The following DPYD variants were observed in gnomAD, a reference collection of about 807,000 sequenced individuals.
DPYD encodes dihydropyrimidine dehydrogenase.
In DPYD, 109 loss-of-function variants were observed where a neutral mutation model predicts 116.2. That is an observed-to-expected ratio of 0.94 (90% CI 0.80 to 1.10). The LOEUF (loss-of-function observed/expected upper bound fraction) is 1.10, where lower values mean the gene tolerates loss of function less well. Among genes scored for constraint, DPYD ranks in the 50% least tolerant of loss-of-function variants. The pLI, the probability that DPYD is intolerant of heterozygous loss-of-function variation, is 0.00. For synonymous variants in DPYD, 440 were observed against 432.0 expected (o/e 1.02, Z -0.23); for missense variants, 1,302 against 1,254.5 (o/e 1.04, Z -0.57).
chr1:97,514,874 G>A (rs1394769020), intron 13 of DPYD, among the ~76,000 whole-genome samples: 1 of 151,710 alleles, frequency 6.6e-6, no homozygotes. Context: ...GCTTAATGGG[G>A]CATGTTTGTT....
At chr1:97,135,028 T>G (rs983101) in intron 20 of DPYD, among the ~76,000 whole-genome samples, 1 of 152,086 alleles carries the variant, frequency 6.6e-6, no homozygotes, top group African/African-American at 2.4e-5. Flanking sequence ...ATAATTGATA[T>G]TTTAAAAAAT....
intron 13 of DPYD, among the ~76,000 whole-genome samples, chr1:97,508,877 C>T (rs550862255): frequency 2.6e-5 from 4 of 152,050 alleles, no homozygotes; most frequent in East Asian, 3.9e-4. Context: ...GTGCAACTTC[C>T]GAGCCTTGGC....
intron 7 of DPYD, chr1:97,691,281 GATT>G: frequency 6.4e-6 from 1 of 156,176 alleles, no homozygotes; most frequent in Non-Finnish European, 1.4e-5. Context: ...GTTGAGAAAG[GATT>G]ATCACATTCA....
intron 2 of DPYD, among the ~76,000 whole-genome samples, chr1:97,869,227 G>C (rs58638365): frequency 0.02 from 3,011 of 151,824 alleles, 93 homozygotes; most frequent in African/African-American, 0.065. Context: ...GCCAGAATGA[G>C]GGCCAGAGTT....
At chr1:97,384,570 T>C (rs569295586) in intron 14 of DPYD, among the ~76,000 whole-genome samples, 7 of 152,114 alleles carry the variant, frequency 4.6e-5, no homozygotes, top group African/African-American at 1.7e-4. Flanking sequence ...TAAGTAGAAA[T>C]GGATACCATA....
In DPYD at chr1:97,918,706, T is replaced by A. The variant is rs182558559; in HGVS notation, c.39+2178A>T. Among the ~76,000 whole-genome samples the A allele has an allele frequency of 6.6e-5, 10 of 152,352 alleles. No homozygotes were observed. In the East Asian group the frequency reaches 1.5e-3, roughly 23 times the overall value. ...TGTTTCACTGAAACCTGAGGTTCTG[T>A]AGTTAGCTCATAGGGAAAAGTCAGT... On this transcript the variant is annotated intron_variant, in intron 1 of 22. Transcript: ENST00000370192.
At chr1:97,859,101 T>C (rs908022405) in intron 2 of DPYD, among the ~76,000 whole-genome samples, 4 of 152,134 alleles carry the variant, frequency 2.6e-5, no homozygotes, top group Admixed American at 1.3e-4. Context: ...AAATAAGTGA[T>C]TTTTCTGTGT....
intron 3 of DPYD, among the ~76,000 whole-genome samples, chr1:97,817,501 T>C (rs887768192): frequency 2.0e-5 from 3 of 151,986 alleles, no homozygotes; most frequent in African/African-American, 4.8e-5. Context: ...CCAGAAGAGA[T>C]GACTTACAAA....
At chr1:97,592,517 C>T (rs1654591873) in intron 10 of DPYD, among the ~76,000 whole-genome samples, 1 of 152,158 alleles carries the variant, frequency 6.6e-6, no homozygotes, top group African/African-American at 2.4e-5. Flanking sequence ...CAGGCGCCCA[C>T]CACCACGCCC....
At chr1:97,142,202 A>T (rs1654274875) in intron 20 of DPYD, among the ~76,000 whole-genome samples, 1 of 152,188 alleles carries the variant, frequency 6.6e-6, no homozygotes, top group Non-Finnish European at 1.5e-5. Flanking sequence ...ACTTGCACTC[A>T]AAGAGTATTG....
intron 18 of DPYD, among the ~76,000 whole-genome samples, chr1:97,302,441 G>A (rs893319414): frequency 1.3e-5 from 2 of 151,842 alleles, no homozygotes; most frequent in African/African-American, 4.8e-5. Context: ...TTTATTATGA[G>A]TTTGTTTCAT....
chr1:97,775,227 G>T (rs566246928), intron 3 of DPYD, among the ~76,000 whole-genome samples: 1 of 152,036 alleles, frequency 6.6e-6, no homozygotes, highest in African/African-American at 2.4e-5. Flanking sequence ...GAATGTCTAA[G>T]AATATATTTA....
At chr1:97,603,441 T>C (rs1406941657) in intron 8 of DPYD, among the ~76,000 whole-genome samples, 1 of 151,568 alleles carries the variant, frequency 6.6e-6, no homozygotes, top group East Asian at 1.9e-4. Flanking sequence ...AAAAAGTAAT[T>C]AAAACACTTA....
intron 8 of DPYD, 24 bp from the exon 9 acceptor site, chr1:97,595,190 A>G (rs1654793652): frequency 6.3e-7 from 1 of 1,592,272 alleles, no homozygotes; most frequent in African/African-American, 1.3e-5. Context: ...TTTATAAAAT[A>G]TCATTAGCAG....
At chr1:97,436,793 G>A (rs1207029139) in intron 14 of DPYD, among the ~76,000 whole-genome samples, 1 of 151,884 alleles carries the variant, frequency 6.6e-6, no homozygotes, top group Non-Finnish European at 1.5e-5. Flanking sequence ...CCATGACTCA[G>A]TATCAAAGTG....
At chr1:97,374,718 GAAAAAAAAAAAAAAA>G (rs144889184) in intron 15 of DPYD, among the ~76,000 whole-genome samples, 21 of 52,614 alleles carry the variant, frequency 4.0e-4, no homozygotes, top group African/African-American at 1.0e-3. Context: ...CTCCGTCTCA[GAAAAAAAAAAAAAAA>G]AAAAAAAAAA....
chr1:97,749,125 T>C (rs563907775), intron 3 of DPYD, among the ~76,000 whole-genome samples: 1 of 152,326 alleles, frequency 6.6e-6, no homozygotes, highest in African/African-American at 2.4e-5. Context: ...TCAATTGTTA[T>C]CTAATGAGAT....
At chr1:97,734,540 C>T (rs147542008) in intron 4 of DPYD, among the ~76,000 whole-genome samples, 3 of 152,200 alleles carry the variant, frequency 2.0e-5, no homozygotes, top group African/African-American at 7.2e-5. Flanking sequence ...CCTACAAAAT[C>T]TCTGGGTTTT....
chr1:97,781,843 A>G (rs1227895675), intron 3 of DPYD, among the ~76,000 whole-genome samples: 1 of 152,214 alleles, frequency 6.6e-6, no homozygotes, highest in African/African-American at 2.4e-5. Flanking sequence ...ATAATATTTC[A>G]AATGCTTATA....
Sources: gnomAD v4.1 joint callset for allele counts (sites outside exome capture counted in the v4.1 genomes callset) on GRCh38, gnomAD v4.1.1 for gene constraint, MANE v1.5 for transcripts, NCBI Gene and HGNC (gene_info 2026-07-23, HGNC 2026-07-21) for gene names.